Variants in ANKRD10 observed in about 807,000 individuals in gnomAD.
ANKRD10 encodes the protein ankyrin repeat domain-containing protein 10.
ANKRD10 carries 14 observed loss-of-function variants against 27.0 expected under a neutral mutation model. That is an observed-to-expected ratio of 0.52 (90% CI 0.34 to 0.81). The LOEUF is 0.81. Ranked by LOEUF, ANKRD10 falls within the 40% of genes least tolerant of loss-of-function variation. The pLI is 0.01. For synonymous variants in ANKRD10, 250 were observed against 224.5 expected, an observed-to-expected ratio of 1.11 and a Z score of -1.01; for missense variants, 493 against 544.0, an observed-to-expected ratio of 0.91 and a Z score of 0.93.
At chr13:110,890,045 T>A (rs1444956577) in intron 4 of ANKRD10, among the ~76,000 whole-genome samples, 3 of 152,198 alleles carry the variant, frequency 2.0e-5, no homozygotes, top group Non-Finnish European at 4.4e-5. Context: ...GAAAAAAGAA[T>A]TTATCATTTC....
At chr13:110,912,940 C>T (rs922520578) in intron 1 of ANKRD10, among the ~76,000 whole-genome samples, 1 of 152,232 alleles carries the variant, frequency 6.6e-6, no homozygotes, top group Non-Finnish European at 1.5e-5. Flanking sequence ...CAGCTGGAAA[C>T]AATGAAGTAA....
chr13:110,910,555 G>A, intron 2 of ANKRD10, 63 bp downstream of exon 2: 2 of 1,590,084 alleles, frequency 1.3e-6, no homozygotes, highest in East Asian at 2.2e-5. Flanking sequence ...GCAATACCGT[G>A]TATAATTATA....
intron 3 of ANKRD10, among the ~76,000 whole-genome samples, chr13:110,902,541 G>A (rs1179043414): frequency 6.6e-6 from 1 of 152,202 alleles, no homozygotes; most frequent in African/African-American, 2.4e-5. Flanking sequence ...AACTAGGCAA[G>A]AGAGACTTTT....
rs145538306 is a variant in ANKRD10, at chr13:110,900,108, C to T, written c.455+5925G>A. Among the ~76,000 whole-genome samples, 1,076 of 152,224 alleles carry T rather than the reference C, an allele frequency of 7.1e-3. 6 individuals carry two copies. The highest frequency in any genetic ancestry group is 0.017 in the Middle Eastern group (5 of 292). On this transcript the variant is annotated intron_variant, in intron 3 of 5. Transcript: ENST00000267339. Reference sequence around the variant, plus strand: ...AAAGAACTTTCACTAAAATTTATATCTAAGAATTCTCCCCTAAAGAACTTT... The same window carrying T: ...AAAGAACTTTCACTAAAATTTATATTTAAGAATTCTCCCCTAAAGAACTTT...
At position 110,914,992 on chromosome 13, in the gene ANKRD10, C is replaced by A. The variant is rs934254646; in HGVS notation, c.-58G>T. On this transcript the variant is annotated 5_prime_UTR_variant, in exon 1 of 6. Coordinates refer to ENST00000267339, the MANE Select transcript of ANKRD10 (RefSeq NM_017664.4). ...CCTAGAGGACGCGTCGGGGAGGACT[C>A]GAGAAGCCGCCGCCGCAGCACAAAG... 1.3e-6 allele frequency: 2 copies of A among 1,492,360 alleles called. No homozygotes were observed. The highest frequency in any genetic ancestry group is 1.4e-5 in the African/African-American group (1 of 71,414). The allele number at this position is 1,492,360 out of a possible 1,614,324, so 92.4% of individuals were successfully genotyped here. A position where few individuals can be genotyped will look rare whatever the true frequency, so the allele number is the denominator to read the frequency against.
intron 4 of ANKRD10, among the ~76,000 whole-genome samples, chr13:110,892,416 C>CGAAAAAAAAAAAAAAAAAA (rs767040954): frequency 5.1e-5 from 1 of 19,550 alleles, no homozygotes; most frequent in East Asian, 4.1e-3. Flanking sequence ...GGTGACAGAG[C>CGAAAAAAAAAAAAAAAAAA]AAAAAAAAAA....
intron 4 of ANKRD10, among the ~76,000 whole-genome samples, chr13:110,892,133 CAAAA>C (rs902075312): frequency 4.0e-5 from 6 of 149,130 alleles, no homozygotes; most frequent in African/African-American, 1.5e-4. Context: ...AAACAAAAAA[CAAAA>C]AACCCAAAAA....
intron 5 of ANKRD10, among the ~76,000 whole-genome samples, chr13:110,881,536 T>TC (rs201976466): frequency 6.9e-6 from 1 of 145,610 alleles, no homozygotes; most frequent in Non-Finnish European, 1.5e-5. Context: ...AGATTTTTTT[T>TC]CCCCCAAATT....
chr13:110,894,114 G>T, intron 3 of ANKRD10: 1 of 1,604,316 alleles, frequency 6.2e-7, no homozygotes, highest in Non-Finnish European at 8.5e-7. Context: ...TAAACCTTTA[G>T]ACACTGAATT....
At position 110,879,407 on chromosome 13, in the gene ANKRD10, T is replaced by C; in HGVS notation, c.*230A>G. 1 of 513,038 alleles carries C rather than the reference T, an allele frequency of 1.9e-6. No homozygotes were observed. Among genetic ancestry groups the C allele is most frequent in the Non-Finnish European group, 3.5e-6 (1 of 287,328 alleles). The allele number at this position is 513,038 out of a possible 1,614,324, so 31.8% of individuals were successfully genotyped here. ...ATTGGCATCAGAAAAACTCCAAAAGTGCACCTTATAAAAAGGACACCTCAC... is the reference window on the plus strand; with the variant it reads ...ATTGGCATCAGAAAAACTCCAAAAGCGCACCTTATAAAAAGGACACCTCAC... On this transcript the variant is annotated 3_prime_UTR_variant, in exon 6 of 6. Coordinates refer to ENST00000267339, the MANE Select transcript of ANKRD10 (RefSeq NM_017664.4).
chr13:110,905,892 C>T, intron 3 of ANKRD10, 141 bp downstream of exon 3: 2 of 695,466 alleles, frequency 2.9e-6, no homozygotes, highest in South Asian at 4.1e-5. Context: ...TCCTCACTAA[C>T]ACCAACTGTT....
At chr13:110,903,760 A>C (rs1172505151) in intron 3 of ANKRD10, among the ~76,000 whole-genome samples, 1 of 152,206 alleles carries the variant, frequency 6.6e-6, no homozygotes, top group Non-Finnish European at 1.5e-5. Context: ...GAAAAGGAAA[A>C]ATTTATATTA....
Position 110,893,039 on chromosome 13 carries a change from G to A in ANKRD10, c.680C>T (p.Ala227Val). 6.2e-7 allele frequency: 1 copy of A among 1,614,074 alleles called. No individual in the cohort carries two copies. The highest frequency in any genetic ancestry group is 1.3e-5 in the African/African-American group (1 of 75,020). The change falls in exon 4 of 6, where the codon GCT (alanine) becomes GTT (valine). Residue 227 changes from alanine (A) to valine (V), a missense_variant. Physicochemically the swap from Ala to Val is moderately conservative, Grantham distance 64. Coordinates refer to ENST00000267339, the MANE Select transcript of ANKRD10 (RefSeq NM_017664.4). ...CAAAGCGGTCTCACCTTCAGTTCTA[G>A]CTTTCTTTACTCCAAAGTCTTCTGA... ...EDSEDFGVKKARTEAQSLDSA... is the reference protein window; with the variant it reads ...EDSEDFGVKKVRTEAQSLDSA...
At chr13:110,889,538 A>G (rs2065021918) in intron 4 of ANKRD10, among the ~76,000 whole-genome samples, 1 of 152,254 alleles carries the variant, frequency 6.6e-6, no homozygotes, top group African/African-American at 2.4e-5. Context: ...TATTCAAGCA[A>G]TACAAAAGGC....
chr13:110,914,777 T>A lies in ANKRD10; in HGVS notation c.158A>T (p.Glu53Val). 6.3e-7 allele frequency: 1 copy of A among 1,599,216 alleles called. No individual in the cohort carries two copies. The highest frequency in any genetic ancestry group is 8.5e-7 in the Non-Finnish European group (1 of 1,173,510). ...GGGCGTCCAGCCATAGAAGGAGTCCTCAGAGGCCAGGTGGGCGTGGGGTGT... is the reference window on the plus strand; with the variant it reads ...GGGCGTCCAGCCATAGAAGGAGTCCACAGAGGCCAGGTGGGCGTGGGGTGT... ...QQTPHAHLAS[E>V]DSFYGWTPVH... The change falls in exon 1 of 6, where the codon GAG becomes GTG. Residue 53 changes from glutamate (E) to valine (V), a missense_variant. Coordinates refer to ENST00000267339, the MANE Select transcript of ANKRD10 (RefSeq NM_017664.4).
rs996277164 is a variant in ANKRD10 at position 110,893,467 on chromosome 13, TAAAC to T, written c.456-208_456-205del. Among the ~76,000 whole-genome samples the T allele has an allele frequency of 3.3e-5, 5 of 152,340 alleles. 1 individual carries two copies. The South Asian group carries it at 6.2e-4, about 19-fold the overall frequency. On this transcript the variant is annotated intron_variant, in intron 3 of 5. Coordinates refer to ENST00000267339, the MANE Select transcript of ANKRD10 (RefSeq NM_017664.4). The stretch of plus-strand genomic sequence containing the variant: ...TGATTTCTAAGCAAGATTTGGGAGA[TAAAC>T]TAAATATGCTAAACTTCTAAAAAAG...
In ANKRD10 at chr13:110,912,568, T is replaced by G. The variant is rs77687789; in HGVS notation, c.211-1798A>C. On this transcript the variant is annotated intron_variant, in intron 1 of 5. Transcript: ENST00000267339. ...CTCGCTGGCTTTAAACCTGTTACCC[T>G]TGGGTTCAATTTAGAAACTTGGATT... Among the ~76,000 whole-genome samples, 72 of 152,340 alleles carry G rather than the reference T, an allele frequency of 4.7e-4. 1 individual carries two copies. In the East Asian group the frequency reaches 0.013, roughly 29 times the overall value.
intron 1 of ANKRD10, among the ~76,000 whole-genome samples, chr13:110,911,988 A>G (rs757057772): frequency 6.6e-6 from 1 of 152,266 alleles, no homozygotes; most frequent in Non-Finnish European, 1.5e-5. Context: ...AGCCTACAGC[A>G]TAACTGAGCA....
chr13:110,912,287 G>A (rs1378369316), intron 1 of ANKRD10, among the ~76,000 whole-genome samples: 1 of 152,120 alleles, frequency 6.6e-6, no homozygotes, highest in African/African-American at 2.4e-5. Context: ...CTCAACTCAA[G>A]GTTTCTTTTT....
Sources: gnomAD v4.1 joint callset for allele counts (sites outside exome capture counted in the v4.1 genomes callset) on GRCh38, gnomAD v4.1.1 for gene constraint, MANE v1.5 for transcripts, NCBI Gene and HGNC (gene_info 2026-07-23, HGNC 2026-07-21) for gene names.